The following DNAJC13 variants were observed in gnomAD, a reference collection of about 807,000 sequenced individuals.
DNAJC13 encodes dnaJ homolog subfamily C member 13.
DNAJC13 carries 75 observed loss-of-function variants against 290.5 expected under a neutral mutation model. That is an observed-to-expected ratio of 0.26 (90% CI 0.21 to 0.31). The LOEUF (loss-of-function observed/expected upper bound fraction) is 0.31, where lower values mean the gene tolerates loss of function less well. Among genes scored for constraint, DNAJC13 ranks in the 10% least tolerant of loss-of-function variants. The pLI is 1.00. For missense variants in DNAJC13, 2,260 were observed against 2,674.5 expected, an observed-to-expected ratio of 0.85 and a Z score of 3.42; for synonymous variants, 862 against 892.0, an observed-to-expected ratio of 0.97 and a Z score of 0.60.
At chr3:132,536,434 C>T (rs1936595130) in intron 55 of DNAJC13, among the ~76,000 whole-genome samples, 1 of 152,108 alleles carries the variant, frequency 6.6e-6, no homozygotes, top group African/African-American at 2.4e-5. Context: ...AAATAAATAT[C>T]CAGCAATGCC....
At chr3:132,460,159 G>A in intron 13 of DNAJC13, 91 bp from the exon 14 acceptor site, 1 of 762,852 alleles carries the variant, frequency 1.3e-6, no homozygotes, top group South Asian at 2.2e-5. Flanking sequence ...CTTTCAATGT[G>A]TAATGAATAC....
At chr3:132,460,545 G>A (rs988196086) in intron 14 of DNAJC13, among the ~76,000 whole-genome samples, 188 bp downstream of exon 14, 3 of 151,920 alleles carry the variant, frequency 2.0e-5, no homozygotes, top group African/African-American at 7.3e-5. Context: ...ATTCACCTGG[G>A]AAGGATAGAT....
At chr3:132,496,432 G>A in intron 35 of DNAJC13, 96 bp from the exon 36 acceptor site, 2 of 1,125,986 alleles carry the variant, frequency 1.8e-6, no homozygotes, top group Non-Finnish European at 2.5e-6. Context: ...TAAAATAATA[G>A]CTAAAGTTAC....
chr3:132,423,490 A>G (rs770706222), intron 1 of DNAJC13, among the ~76,000 whole-genome samples: 9 of 152,224 alleles, frequency 5.9e-5, no homozygotes, highest in Non-Finnish European at 1.2e-4. Context: ...CTTCTAGTCA[A>G]GCTACAGAAT....
At chr3:132,448,152 G>GA (rs371535590) in intron 5 of DNAJC13, among the ~76,000 whole-genome samples, 1 of 151,880 alleles carries the variant, frequency 6.6e-6, no homozygotes, top group East Asian at 1.9e-4. Flanking sequence ...TAGATGGGGG[G>GA]AAAAAAAGGC....
chr3:132,442,763 T>C (rs1576462573), intron 2 of DNAJC13, among the ~76,000 whole-genome samples: 2 of 152,220 alleles, frequency 1.3e-5, no homozygotes, highest in Admixed American at 1.3e-4. Context: ...GCCTACTTCT[T>C]GTAGGCATTT....
chr3:132,464,907 T>G (rs1933924038), intron 17 of DNAJC13, among the ~76,000 whole-genome samples: 1 of 152,202 alleles, frequency 6.6e-6, no homozygotes, highest in Non-Finnish European at 1.5e-5. Flanking sequence ...AAAAGGTTAG[T>G]AATATTTGAA....
rs1933252266 is a variant in DNAJC13, at chr3:132,446,677, A to G, written c.144+127A>G. ...GAAATGTCAAATCAGAAAGAGATTG[A>G]TGTGCTTACATAATACTCTGATTTG... is the stretch of plus-strand genomic sequence containing the variant. On this transcript the variant is annotated intron_variant, in intron 3 of 55. Coordinates refer to ENST00000260818, the MANE Select transcript of DNAJC13 (RefSeq NM_015268.4). 6.7e-6 allele frequency: 4 copies of G among 593,600 alleles called. No homozygotes were observed. The East Asian group carries it at 1.2e-4, about 18-fold the overall frequency. The allele number at this position is 593,600 out of a possible 1,614,324, so 36.8% of individuals were successfully genotyped here.
chr3:132,484,418 A>G (rs1041960624), intron 28 of DNAJC13, 170 bp from the exon 29 acceptor site: 3 of 634,924 alleles, frequency 4.7e-6, no homozygotes, highest in Non-Finnish European at 8.5e-6. Flanking sequence ...TTAAGCAGCC[A>G]AATAGATTTA....
At chr3:132,502,180 C>T in intron 39 of DNAJC13, 109 bp from the exon 40 acceptor site, 1 of 917,546 alleles carries the variant, frequency 1.1e-6, no homozygotes. Flanking sequence ...AAACATTTTA[C>T]AAAATAACGT....
intron 1 of DNAJC13, among the ~76,000 whole-genome samples, chr3:132,423,843 C>T (rs1390916886): frequency 6.6e-6 from 1 of 152,126 alleles, no homozygotes; most frequent in African/African-American, 2.4e-5. Flanking sequence ...GAAATTTAGT[C>T]CCGCATTATG....
Position 132,427,133 on chromosome 3 carries a change from A to ATAT in DNAJC13, c.-13-7404_-13-7403insATT, listed in dbSNP as rs1310339480. Among the ~76,000 whole-genome samples, 932 of 122,176 alleles carry ATAT rather than the reference A, an allele frequency of 7.6e-3. 11 individuals carry two copies. Among genetic ancestry groups the ATAT allele is most frequent in the Middle Eastern group, 0.023 (6 of 256 alleles). 80.2% of individuals were successfully genotyped at this position (122,176 alleles called of 152,430 possible). A position where few individuals can be genotyped will look rare whatever the true frequency, so the allele number is the denominator to read the frequency against. Reference sequence around the variant, plus strand: ...TGTGTGTGTGTGTATATATATATATATTTTTTTTTTTTTTTTGAGACAGGG... The same window carrying ATAT: ...TGTGTGTGTGTGTATATATATATATATATTTTTTTTTTTTTTTTTGAGACAGGG... On this transcript the variant is annotated intron_variant, in intron 1 of 55. Transcript: ENST00000260818.
chr3:132,505,334 T>A lies in DNAJC13; in HGVS notation c.4917T>A (p.Ser1639Arg). ...ILKMLNSNTESPYLIWNNSTR... is the reference protein window; with the variant it reads ...ILKMLNSNTERPYLIWNNSTR... ...AGATGCTTAACAGCAACACAGAAAG[T>A]CCATATTTGATATGGAACAATTCTA... The change falls in exon 42 of 56, where the codon AGT (serine) becomes AGA (arginine). Residue 1639 changes from serine (S) to arginine (R), a missense_variant. Around this residue, in one of 3 missense-constraint regions of DNAJC13, gnomAD observed 1,494 missense variants for 1,693.7 expected, o/e 0.88. Transcript: ENST00000260818. The A allele has an allele frequency of 6.2e-7, 1 of 1,610,520 alleles. No homozygotes were observed. The highest frequency in any genetic ancestry group is 1.3e-5 in the African/African-American group (1 of 74,874).
At chr3:132,440,216 C>T (rs956280022) in intron 2 of DNAJC13, among the ~76,000 whole-genome samples, 3 of 152,164 alleles carry the variant, frequency 2.0e-5, no homozygotes, top group African/African-American at 4.8e-5. Flanking sequence ...GAGATTACGC[C>T]GCTACACTCC....
chr3:132,452,020 T>C (rs973188256), intron 6 of DNAJC13, among the ~76,000 whole-genome samples: 3 of 152,202 alleles, frequency 2.0e-5, no homozygotes, highest in Non-Finnish European at 2.9e-5. Context: ...CCTGCTGTCT[T>C]AGTGCTATCC....
chr3:132,457,001 G>A (rs1427810840), intron 12 of DNAJC13, among the ~76,000 whole-genome samples, 169 bp downstream of exon 12: 2 of 152,258 alleles, frequency 1.3e-5, no homozygotes, highest in Middle Eastern at 3.4e-3. Context: ...CAGCAGAAGC[G>A]GAATATTGGT....
chr3:132,492,633 T>C lies in DNAJC13; in HGVS notation c.3825+18T>C. On this transcript the variant is annotated intron_variant, in intron 33 of 55. Transcript: ENST00000260818. ...AAGACCCGGTAAGTCAGCAGTTTAA[T>C]TTGTGCCACCTTAAGCCATAAAAAT... The C allele has an allele frequency of 6.2e-7, 1 of 1,610,738 alleles. No homozygotes were observed. The highest frequency in any genetic ancestry group is 2.2e-5 in the East Asian group (1 of 44,856).
At chr3:132,525,574 T>C in intron 51 of DNAJC13, 36 bp from the exon 52 acceptor site, 1 of 1,605,208 alleles carries the variant, frequency 6.2e-7, no homozygotes, top group Non-Finnish European at 8.5e-7. Context: ...TGTATGAGTA[T>C]TTTATAGTTG....
At chr3:132,428,502 G>A (rs1939162633) in intron 1 of DNAJC13, among the ~76,000 whole-genome samples, 1 of 152,058 alleles carries the variant, frequency 6.6e-6, no homozygotes, top group Non-Finnish European at 1.5e-5. Context: ...AGAGATGGGG[G>A]TCTTGCCATG....
Sources: allele counts gnomAD v4.1 joint callset (sites outside exome capture counted in the v4.1 genomes callset), GRCh38; gene constraint gnomAD v4.1.1; regional missense constraint gnomAD v4.1.1; transcripts MANE v1.5; gene names NCBI Gene and HGNC (gene_info 2026-07-23, HGNC 2026-07-21).